The following AKT3 variants were observed in gnomAD, a reference collection of about 807,000 sequenced individuals.
The protein encoded by AKT3 is AKT serine/threonine kinase 3.
AKT3 carries 15 observed loss-of-function variants against 65.3 expected under a neutral mutation model. The observed-to-expected ratio is 0.23, with a 90% CI of 0.15 to 0.35. AKT3 has a LOEUF of 0.35. Among genes scored for constraint, AKT3 ranks in the 10% least tolerant of loss-of-function variants. AKT3 has a pLI of 1.00. For synonymous variants in AKT3, 206 were observed against 183.8 expected (o/e 1.12, Z -0.98); for missense variants, 243 against 576.5 (o/e 0.42, Z 5.92).
chr1:243,826,493 C>T lies in AKT3; in HGVS notation c.46+16632G>A, dbSNP rs537453126. ...AGTTCTGGAAAAGTAAGTCTGATAG[C>T]GAGCTTCGGAGAAAGCTTTTGCATT... On this transcript the variant is annotated intron_variant, in intron 2 of 13. Coordinates refer to ENST00000673466, the MANE Select transcript of AKT3 (RefSeq NM_005465.7). Among the ~76,000 whole-genome samples, 16 of 152,248 alleles carry T rather than the reference C, an allele frequency of 1.1e-4. No homozygotes were observed. In the South Asian group the frequency reaches 2.7e-3, roughly 26 times the overall value.
intron 12 of AKT3, among the ~76,000 whole-genome samples, chr1:243,527,429 G>A (rs562035607): frequency 6.6e-6 from 1 of 152,208 alleles, no homozygotes; most frequent in Middle Eastern, 3.4e-3. Context: ...AATCTTCCTA[G>A]AATACCTCTT....
chr1:243,531,258 T>C lies in AKT3; in HGVS notation c.1251+14252A>G, dbSNP rs1194016380. ...GTCGTGCACCACCATGCCCGGCTAA[T>C]TTTTTGTTATTTTTGGTAAAGGTGG... On this transcript the variant is annotated intron_variant, in intron 12 of 13. Transcript: ENST00000673466. Among the ~76,000 whole-genome samples the C allele has an allele frequency of 2.0e-5, 3 of 152,040 alleles. No homozygotes were observed. The East Asian group carries it at 5.8e-4, about 29-fold the overall frequency.
At chr1:243,579,854 A>C (rs1406558056) in intron 8 of AKT3, among the ~76,000 whole-genome samples, 2 of 152,212 alleles carry the variant, frequency 1.3e-5, no homozygotes, top group Non-Finnish European at 2.9e-5. Context: ...AAAATGACAA[A>C]TAGTGCAACA....
At chr1:243,525,366 TA>T (rs1050882680) in intron 12 of AKT3, among the ~76,000 whole-genome samples, 1 of 151,818 alleles carries the variant, frequency 6.6e-6, no homozygotes, top group Non-Finnish European at 1.5e-5. Flanking sequence ...GACTCAGCAT[TA>T]AAAAAACAAA....
chr1:243,642,861 A>T lies in AKT3; in HGVS notation c.429+3032T>A, dbSNP rs74982711. Among the ~76,000 whole-genome samples the T allele has an allele frequency of 7.5e-3, 1,146 of 152,366 alleles. 18 individuals are homozygous for T. The highest frequency in any genetic ancestry group is 0.026 in the African/African-American group (1,084 of 41,582). On this transcript the variant is annotated intron_variant, in intron 5 of 13. Transcript: ENST00000673466. ...CACAAATTAGATTAAAAATAAACAT[A>T]TAATCAATGAGGAACATAAAGAACT...
intron 2 of AKT3, among the ~76,000 whole-genome samples, chr1:243,802,640 A>G (rs1264911414): frequency 6.6e-6 from 1 of 152,154 alleles, no homozygotes; most frequent in South Asian, 2.1e-4. Flanking sequence ...TGTGTAACCC[A>G]AATTACTCTA....
intron 10 of AKT3, among the ~76,000 whole-genome samples, chr1:243,561,979 T>C (rs1025814852): frequency 6.6e-6 from 1 of 152,130 alleles, no homozygotes; most frequent in Non-Finnish European, 1.5e-5. Flanking sequence ...AGAAATGATG[T>C]TGTGTGACTT....
intron 8 of AKT3, among the ~76,000 whole-genome samples, chr1:243,605,162 T>C (rs1030630573): frequency 4.6e-5 from 7 of 151,960 alleles, no homozygotes; most frequent in African/African-American, 1.7e-4. Flanking sequence ...ATTAATTTAC[T>C]AGGACTACAG....
At chr1:243,666,970 T>A (rs1055171809) in intron 3 of AKT3, among the ~76,000 whole-genome samples, 1 of 152,192 alleles carries the variant, frequency 6.6e-6, no homozygotes, top group African/African-American at 2.4e-5. Context: ...GTGCATGTTG[T>A]GATCACGTGG....
intron 4 of AKT3, among the ~76,000 whole-genome samples, chr1:243,648,994 T>A (rs772781890): frequency 2.0e-5 from 3 of 152,172 alleles, no homozygotes; most frequent in African/African-American, 7.2e-5. Context: ...AAGTTAACGA[T>A]GTGAGAAATT....
At chr1:243,507,413 T>G (rs1471319208) in intron 13 of AKT3, among the ~76,000 whole-genome samples, 1 of 152,352 alleles carries the variant, frequency 6.6e-6, no homozygotes, top group East Asian at 1.9e-4. Context: ...TTGATATTCT[T>G]TAAAGCCAAT....
At chr1:243,639,570 C>A (rs1453883173) in intron 5 of AKT3, among the ~76,000 whole-genome samples, 3 of 152,162 alleles carry the variant, frequency 2.0e-5, no homozygotes, top group Admixed American at 1.3e-4. Flanking sequence ...AATATATTAT[C>A]ATGCCAAAGG....
At chr1:243,721,533 CTCT>C (rs1160312645) in intron 2 of AKT3, among the ~76,000 whole-genome samples, 1 of 152,074 alleles carries the variant, frequency 6.6e-6, no homozygotes, top group Non-Finnish European at 1.5e-5. Context: ...TTATGCTTTT[CTCT>C]TATTACTCTG....
At chr1:243,590,753 G>GA (rs370731517) in intron 8 of AKT3, among the ~76,000 whole-genome samples, 3 of 151,608 alleles carry the variant, frequency 2.0e-5, no homozygotes, top group African/African-American at 7.3e-5. Flanking sequence ...TTACAACTGG[G>GA]AAAAAAAAGC....
intron 3 of AKT3, among the ~76,000 whole-genome samples, chr1:243,668,825 A>C (rs1300910349): frequency 6.6e-6 from 1 of 152,210 alleles, no homozygotes; most frequent in Non-Finnish European, 1.5e-5. Context: ...TCAACTAAGA[A>C]ACTTAAAATG....
At chr1:243,708,582 G>C (rs1685954315) in intron 2 of AKT3, among the ~76,000 whole-genome samples, 2 of 151,992 alleles carry the variant, frequency 1.3e-5, no homozygotes, top group South Asian at 4.1e-4. Flanking sequence ...CAGTGACTTT[G>C]AAAGGAAAGA....
chr1:243,817,518 A>AT (rs1693604252), intron 2 of AKT3, among the ~76,000 whole-genome samples: 1 of 152,238 alleles, frequency 6.6e-6, no homozygotes, highest in Non-Finnish European at 1.5e-5. Context: ...AGGTGGGCGA[A>AT]TCACTTGAGG....
At chr1:243,568,836 G>A (rs527787395) in intron 9 of AKT3, among the ~76,000 whole-genome samples, 1 of 152,170 alleles carries the variant, frequency 6.6e-6, no homozygotes, top group Non-Finnish European at 1.5e-5. Context: ...GCAGGCCGAG[G>A]CATGGTTGTA....
intron 13 of AKT3, among the ~76,000 whole-genome samples, chr1:243,510,327 G>A (rs1258832614): frequency 6.6e-6 from 1 of 152,156 alleles, no homozygotes; most frequent in African/African-American, 2.4e-5. Flanking sequence ...TAGGAGCTTG[G>A]GCTAATAACG....
Sources: allele counts gnomAD v4.1 joint callset (sites outside exome capture counted in the v4.1 genomes callset), GRCh38; gene constraint gnomAD v4.1.1; transcripts MANE v1.5; gene names NCBI Gene and HGNC (gene_info 2026-07-23, HGNC 2026-07-21).